Variants in SLC4A5 observed in about 807,000 individuals in gnomAD.
The protein encoded by SLC4A5 is electrogenic sodium bicarbonate cotransporter 4.
A neutral mutation model predicts 120.4 loss-of-function variants in SLC4A5; 96 were observed. The observed-to-expected ratio is 0.80, with a 90% CI of 0.68 to 0.94. SLC4A5 has a LOEUF of 0.94. SLC4A5 is among the 40% of genes least tolerant of loss of function. The pLI, the probability that SLC4A5 is intolerant of heterozygous loss-of-function variation, is 0.00. For missense variants in SLC4A5, 1,259 were observed against 1,459.5 expected, an observed-to-expected ratio of 0.86 and a Z score of 2.24; for synonymous variants, 550 against 571.1, an observed-to-expected ratio of 0.96 and a Z score of 0.53.
intron 21 of SLC4A5, among the ~76,000 whole-genome samples, chr2:74,236,967 C>T (rs1270163714): frequency 6.8e-6 from 1 of 146,032 alleles, no homozygotes; most frequent in Non-Finnish European, 1.5e-5. Flanking sequence ...TTCCAGAAGG[C>T]AACTGAGCAA....
intron 19 of SLC4A5, among the ~76,000 whole-genome samples, chr2:74,244,664 C>G (rs1016303820): frequency 6.6e-6 from 1 of 152,040 alleles, no homozygotes; most frequent in African/African-American, 2.4e-5. Context: ...CCAGGCTGGT[C>G]TCAAACTCCT....
At position 74,247,314 on chromosome 2, in the gene SLC4A5, G is replaced by A. The variant is rs748700969; in HGVS notation, c.1788-7C>T. On this transcript the variant is annotated splice_region_variant and splice_polypyrimidine_tract_variant and intron_variant, in intron 18 of 30. Transcript: ENST00000394019. ...GTAGTCCAGGCCATTGCCTCTGGAA[G>A]GCAGAGGGGAGGTGAGGGGCCTCCA... 10 of 1,609,154 alleles carry A rather than the reference G, an allele frequency of 6.2e-6. No individual in the cohort carries two copies. The highest frequency in any genetic ancestry group is 1.1e-5 in the South Asian group (1 of 90,782).
chr2:74,255,902 T>TG lies in SLC4A5; in HGVS notation c.897dup (p.Lys300GlnfsTer60), dbSNP rs756538925. On this transcript the variant is annotated frameshift_variant, in exon 13 of 31. Transcript: ENST00000394019. LOFTEE classifies it high-confidence loss of function. The surrounding 1 kb of genome is among the most constrained non-coding windows in gnomAD (Gnocchi z 4.0). ...AGCACGTTGGACGCTTCTGAGTCCT[T>TG]GGGGATCTTCTTCATGAATTTGTTT... 6 of 1,613,848 alleles carry TG rather than the reference T, an allele frequency of 3.7e-6. No individual in the cohort carries two copies. The highest frequency in any genetic ancestry group is 4.2e-6 in the Non-Finnish European group (5 of 1,179,866).
At chr2:74,331,989 T>C (rs139388365) in intron 4 of SLC4A5, among the ~76,000 whole-genome samples, 210 of 152,270 alleles carry the variant, frequency 1.4e-3, no homozygotes, top group African/African-American at 4.9e-3. Context: ...GGTTCTTGCG[T>C]TGTGGGATAG....
intron 8 of SLC4A5, among the ~76,000 whole-genome samples, chr2:74,277,249 C>G (rs1243761084): frequency 6.6e-6 from 1 of 152,238 alleles, no homozygotes; most frequent in African/African-American, 2.4e-5. Flanking sequence ...TCTTGACTCT[C>G]GTGTAAAGTA....
intron 4 of SLC4A5, among the ~76,000 whole-genome samples, chr2:74,329,463 C>T (rs1203977955): frequency 6.6e-6 from 1 of 152,166 alleles, no homozygotes; most frequent in Non-Finnish European, 1.5e-5. Flanking sequence ...GTGGTACATG[C>T]CTGTAATCCC....
chr2:74,264,400 GA>G (rs1246617539), intron 9 of SLC4A5, 101 bp from the exon 10 acceptor site: 1 of 1,378,736 alleles, frequency 7.3e-7, no homozygotes, highest in East Asian at 2.4e-5. Context: ...AAATGTGGCA[GA>G]GGGGGTGTGG....
intron 5 of SLC4A5, among the ~76,000 whole-genome samples, chr2:74,324,317 A>G (rs1404901360): frequency 2.0e-5 from 3 of 152,150 alleles, no homozygotes; most frequent in African/African-American, 4.8e-5. Flanking sequence ...CTGGAGTTCA[A>G]TGGCGCAATC....
chr2:74,217,483 T>C (rs903716247), exon 31 of SLC4A5: 12 of 152,334 alleles, frequency 7.9e-5, no homozygotes, highest in African/African-American at 2.9e-4. Context: ...AAATGTGACC[T>C]TACCTCTGTC....
intron 9 of SLC4A5, 29 bp from the exon 10 acceptor site, chr2:74,264,328 C>T (rs764652181): frequency 3.7e-6 from 6 of 1,604,740 alleles, no homozygotes; most frequent in Non-Finnish European, 5.1e-6. Context: ...CACCTCATCC[C>T]TGTGGGACAG....
intron 3 of SLC4A5, among the ~76,000 whole-genome samples, chr2:74,337,523 A>C (rs1673521020): frequency 6.6e-6 from 1 of 152,212 alleles, no homozygotes; most frequent in African/African-American, 2.4e-5. Context: ...TTTTATAAAC[A>C]AACTAATTTT....
intron 19 of SLC4A5, 29 bp downstream of exon 19, chr2:74,247,007 C>A (rs760491405): frequency 1.9e-6 from 3 of 1,608,354 alleles, no homozygotes; most frequent in Non-Finnish European, 2.6e-6. Context: ...TAGGTGAGGG[C>A]CCACGGCATG....
At position 74,314,411 on chromosome 2, in the gene SLC4A5, G is replaced by C. The variant is rs138333495; in HGVS notation, c.79+534C>G. ...ATTCTGCAGCTCACCGAGCCTCTAGGTGGGCAGCGAGGTTGGTATTTTCCT... is the reference window on the plus strand; with the variant it reads ...ATTCTGCAGCTCACCGAGCCTCTAGCTGGGCAGCGAGGTTGGTATTTTCCT... On this transcript the variant is annotated intron_variant, in intron 6 of 30. Transcript: ENST00000394019. 7.8e-3 allele frequency among the ~76,000 whole-genome samples: 1,190 copies of C among 152,286 alleles called. 24 individuals are homozygous for C. The highest frequency in any genetic ancestry group is 0.026 in the African/African-American group (1,065 of 41,554).
At chr2:74,341,084 C>T (rs1219152531) in intron 2 of SLC4A5, among the ~76,000 whole-genome samples, 3 of 152,002 alleles carry the variant, frequency 2.0e-5, no homozygotes, top group African/African-American at 4.8e-5. Context: ...GTGGGTGGAT[C>T]GCCTGAGGTC....
At chr2:74,235,164 G>A (rs56331639) in exon 22 of SLC4A5, 9 of 1,614,132 alleles carry the variant, frequency 5.6e-6, no homozygotes, top group Non-Finnish European at 7.6e-6. Flanking sequence ...CGATTCCACA[G>A]AACATCAGGA....
In SLC4A5 at chr2:74,319,713, C is replaced by T. The variant is rs988816579; in HGVS notation, c.-2-4688G>A. 3.1e-4 allele frequency among the ~76,000 whole-genome samples: 47 copies of T among 152,108 alleles called. 1 individual carries two copies. Among genetic ancestry groups the T allele is most frequent in the African/African-American group, 9.7e-4 (40 of 41,414 alleles). Reference sequence around the variant, plus strand: ...CATTCACTGATTGAACATCCTACTGCGTCTTGACTTCCCATCAGCCACCCC... The same window carrying T: ...CATTCACTGATTGAACATCCTACTGTGTCTTGACTTCCCATCAGCCACCCC... On this transcript the variant is annotated intron_variant, in intron 5 of 30. Transcript: ENST00000394019.
chr2:74,247,298 G>A, exon 19 of SLC4A5: 1 of 1,612,072 alleles, frequency 6.2e-7, no homozygotes, highest in Non-Finnish European at 8.5e-7. Flanking sequence ...TGTAGTCCAG[G>A]CCATTGCCTC....
chr2:74,256,480 C>T (rs763875135), intron 12 of SLC4A5, among the ~76,000 whole-genome samples: 10 of 152,226 alleles, frequency 6.6e-5, no homozygotes, highest in Admixed American at 2.0e-4. Context: ...CATGCCCCCA[C>T]ATTACCCCCA....
rs141084915 is a variant in SLC4A5, at chr2:74,290,339, C to A, written c.272-4437G>T. On this transcript the variant is annotated intron_variant, in intron 7 of 30. Transcript: ENST00000394019. Reference sequence around the variant, plus strand: ...GCTGCTGCCTCCCTGGCTGCTACTTCCACAGGTCCTCTTCTTCACACAACA... The same window carrying A: ...GCTGCTGCCTCCCTGGCTGCTACTTACACAGGTCCTCTTCTTCACACAACA... 9.4e-4 allele frequency: 925 copies of A among 985,468 alleles called. 5 individuals are homozygous for A. In the African/African-American group the frequency reaches 0.014, roughly 15 times the overall value. The allele number at this position is 985,468 out of a possible 1,614,324, so 61.0% of individuals were successfully genotyped here.
Sources: allele counts gnomAD v4.1 joint callset (sites outside exome capture counted in the v4.1 genomes callset), GRCh38; gene constraint gnomAD v4.1.1; non-coding constraint Gnocchi (gnomAD v3.1); transcripts MANE v1.5; gene names NCBI Gene and HGNC (gene_info 2026-07-23, HGNC 2026-07-21).